The following PTPRD variants were observed in gnomAD, a reference collection of about 807,000 sequenced individuals.
PTPRD encodes the protein protein tyrosine phosphatase receptor type D.
Under a neutral mutation model 214.5 loss-of-function variants are expected in PTPRD, and 34 were observed. The ratio of observed to expected loss-of-function variants is 0.16; its 90% CI spans 0.12 to 0.21. The LOEUF (loss-of-function observed/expected upper bound fraction) is 0.21, where lower values mean the gene tolerates loss of function less well. Among genes scored for constraint, PTPRD ranks in the 10% least tolerant of loss-of-function variants. The pLI, the probability that PTPRD is intolerant of heterozygous loss-of-function variation, is 1.00. For synonymous variants in PTPRD, 1,128 were observed against 845.7 expected (o/e 1.33, Z -5.79); for missense variants, 2,545 against 2,398.7 (o/e 1.06, Z -1.27).
At chr9:9,604,302 C>A (rs1231733974) in intron 7 of PTPRD, among the ~76,000 whole-genome samples, 3 of 151,900 alleles carry the variant, frequency 2.0e-5, no homozygotes, top group Admixed American at 6.6e-5. Flanking sequence ...ACAGGCACAA[C>A]CTTGAAAATA....
intron 3 of PTPRD, among the ~76,000 whole-genome samples, chr9:10,104,293 A>G (rs139264945): frequency 1.3e-5 from 2 of 151,906 alleles, no homozygotes; most frequent in African/African-American, 4.8e-5. Context: ...ACGGAACTGT[A>G]TAGTTACAAA....
Position 9,411,262 on chromosome 9 carries a change from C to T in PTPRD, c.-236-13780G>A, listed in dbSNP as rs201490799. On this transcript the variant is annotated intron_variant, in intron 8 of 45. Coordinates refer to ENST00000381196, the MANE Select transcript of PTPRD (RefSeq NM_002839.4). ...TCCCTGAGGATACATAGCATTGTGT[C>T]TTTTTTTTTTTTTACGATAATTAAG... Among the ~76,000 whole-genome samples the T allele has an allele frequency of 1.3e-4, 18 of 139,842 alleles. 1 individual carries two copies. Among genetic ancestry groups the T allele is most frequent in the South Asian group, 4.5e-4 (2 of 4,478 alleles). The allele number at this position is 139,842 out of a possible 152,430, so 91.7% of individuals were successfully genotyped here. A position where few individuals can be genotyped will look rare whatever the true frequency, so the allele number is the denominator to read the frequency against.
intron 5 of PTPRD, among the ~76,000 whole-genome samples, chr9:9,788,629 C>A (rs2098944317): frequency 6.6e-6 from 1 of 150,540 alleles, no homozygotes; most frequent in Non-Finnish European, 1.5e-5. Context: ...TTATTTAAAT[C>A]CCGTAGACAC....
intron 3 of PTPRD, among the ~76,000 whole-genome samples, chr9:10,152,725 T>G (rs1450994904): frequency 6.6e-6 from 1 of 152,162 alleles, no homozygotes; most frequent in East Asian, 1.9e-4. Flanking sequence ...CTCAAGAGGC[T>G]GAGGCAGGAG....
chr9:10,092,362 A>G (rs1245349858), intron 3 of PTPRD, among the ~76,000 whole-genome samples: 1 of 151,578 alleles, frequency 6.6e-6, no homozygotes, highest in East Asian at 2.0e-4. Context: ...TTGACAGAAC[A>G]TTGTAGACCA....
At chr9:10,161,497 G>A (rs4741014) in intron 3 of PTPRD, among the ~76,000 whole-genome samples, 13,492 of 151,648 alleles carry the variant, frequency 0.089, 712 homozygotes, top group South Asian at 0.15. Flanking sequence ...ATAAACATAG[G>A]TACAGGAATT....
intron 8 of PTPRD, among the ~76,000 whole-genome samples, chr9:9,491,831 C>T (rs946368111): frequency 6.6e-6 from 1 of 151,798 alleles, no homozygotes; most frequent in Non-Finnish European, 1.5e-5. Context: ...TCTATCTTTA[C>T]AACTAATTAG....
chr9:9,659,518 A>G (rs528593781), intron 7 of PTPRD, among the ~76,000 whole-genome samples: 18 of 152,070 alleles, frequency 1.2e-4, no homozygotes, highest in Non-Finnish European at 2.2e-4. Flanking sequence ...CATAGGACTC[A>G]GGTGTTAGTA....
chr9:8,727,848 G>A (rs909807193), intron 12 of PTPRD, among the ~76,000 whole-genome samples: 2 of 152,090 alleles, frequency 1.3e-5, no homozygotes, highest in Admixed American at 6.6e-5. Flanking sequence ...CAGCTTTAGT[G>A]AGATATAATT....
intron 11 of PTPRD, among the ~76,000 whole-genome samples, chr9:8,845,695 A>C (rs1445464707): frequency 6.6e-6 from 1 of 152,328 alleles, no homozygotes; most frequent in Middle Eastern, 3.4e-3. Context: ...GCTCAACATA[A>C]ACAAGAGGCC....
At chr9:9,690,025 T>C (rs1225071022) in intron 7 of PTPRD, among the ~76,000 whole-genome samples, 3 of 151,862 alleles carry the variant, frequency 2.0e-5, no homozygotes, top group Non-Finnish European at 1.5e-5. Context: ...ATATACTGGG[T>C]TATATAGCAG....
At chr9:8,784,501 A>C (rs772383635) in intron 11 of PTPRD, among the ~76,000 whole-genome samples, 1 of 152,224 alleles carries the variant, frequency 6.6e-6, no homozygotes, top group Non-Finnish European at 1.5e-5. Flanking sequence ...CACCCAGAGA[A>C]CCTGAAAGAC....
At chr9:8,480,119 G>T (rs1056924850) in intron 30 of PTPRD, among the ~76,000 whole-genome samples, 5 of 152,140 alleles carry the variant, frequency 3.3e-5, no homozygotes, top group Non-Finnish European at 5.9e-5. Context: ...AAATAGTCCT[G>T]ACAAAACAGT....
At chr9:9,239,140 T>A (rs997963686) in intron 9 of PTPRD, among the ~76,000 whole-genome samples, 1 of 151,660 alleles carries the variant, frequency 6.6e-6, no homozygotes, top group Non-Finnish European at 1.5e-5. Context: ...TTATCTTTTA[T>A]CTTCACTAGA....
chr9:10,445,496 TGGAAA>T (rs2154524677), intron 2 of PTPRD, among the ~76,000 whole-genome samples: 2 of 151,890 alleles, frequency 1.3e-5, no homozygotes, highest in African/African-American at 4.8e-5. Context: ...GCAACAGAAA[TGGAAA>T]GAAAGGAATA....
chr9:8,803,162 T>C (rs572251257), intron 11 of PTPRD, among the ~76,000 whole-genome samples: 1 of 152,126 alleles, frequency 6.6e-6, no homozygotes, highest in East Asian at 1.9e-4. Context: ...AATTGACACA[T>C]AGTCATCTTA....
At chr9:9,673,622 A>G (rs1398754980) in intron 7 of PTPRD, among the ~76,000 whole-genome samples, 1 of 151,742 alleles carries the variant, frequency 6.6e-6, no homozygotes, top group Non-Finnish European at 1.5e-5. Flanking sequence ...TGAATGAAAA[A>G]TAATATTTGA....
intron 5 of PTPRD, among the ~76,000 whole-genome samples, chr9:9,868,633 T>C (rs1054731849): frequency 6.6e-6 from 1 of 151,800 alleles, no homozygotes; most frequent in Non-Finnish European, 1.5e-5. Flanking sequence ...GAGAATACCC[T>C]AACGTGCAGT....
intron 8 of PTPRD, among the ~76,000 whole-genome samples, chr9:9,572,700 T>C (rs2086904029): frequency 6.7e-6 from 1 of 149,646 alleles, no homozygotes; most frequent in Non-Finnish European, 1.5e-5. Flanking sequence ...TGTATAAACA[T>C]AACCTAATAA....
Sources: allele counts gnomAD v4.1 joint callset (sites outside exome capture counted in the v4.1 genomes callset), GRCh38; gene constraint gnomAD v4.1.1; transcripts MANE v1.5; gene names NCBI Gene and HGNC (gene_info 2026-07-23, HGNC 2026-07-21).